XYLT1: variants seen among roughly 807,000 people sequenced by gnomAD.
XYLT1 encodes beta-D-xylosyltransferase 1.
A neutral mutation model predicts 91.3 loss-of-function variants in XYLT1; 36 were observed. The observed-to-expected ratio is 0.39, with a 90% CI of 0.30 to 0.52. The LOEUF (loss-of-function observed/expected upper bound fraction) is 0.52. XYLT1 is among the 20% of genes least tolerant of loss of function. The pLI, the probability that XYLT1 is intolerant of heterozygous loss-of-function variation, is 0.68. For missense variants in XYLT1, 1,242 were observed against 1,284.5 expected, an observed-to-expected ratio of 0.97 and a Z score of 0.51; for synonymous variants, 588 against 532.0, an observed-to-expected ratio of 1.11 and a Z score of -1.45.
In XYLT1 at chr16:17,127,725, T is replaced by C; in HGVS notation, c.2164A>G (p.Lys722Glu). The stretch of plus-strand genomic sequence containing the variant: ...GGGCTTGCGATCTTGAAGACTTTTT[T>C]CGGCATCACCCAGGTCTCCAGAGTC... ...LETLETWVMP[K>E]KVFKIASPPS... Residue 722 changes from lysine to glutamate, a missense_variant, in exon 10 of 12, where the codon AAA becomes GAA. Physicochemically the swap from Lys to Glu is moderately conservative, Grantham distance 56 (BLOSUM62 1). Coordinates refer to ENST00000261381, the MANE Select transcript of XYLT1 (RefSeq NM_022166.4). The C allele has an allele frequency of 6.2e-7, 1 of 1,614,206 alleles. No homozygotes were observed. Among genetic ancestry groups the C allele is most frequent in the Non-Finnish European group, 8.5e-7 (1 of 1,180,032 alleles).
chr16:17,175,498 G>A (rs995541176), intron 5 of XYLT1, among the ~76,000 whole-genome samples: 1 of 151,488 alleles, frequency 6.6e-6, no homozygotes, highest in East Asian at 1.9e-4. Flanking sequence ...CAGCCCACAG[G>A]TAACAGAAAC....
chr16:17,454,538 A>ATTTTTTTTTTTTTTTTTTTT, intron 1 of XYLT1, among the ~76,000 whole-genome samples: 1 of 145,350 alleles, frequency 6.9e-6, no homozygotes, highest in Non-Finnish European at 1.5e-5. Context: ...TATGATCGCA[A>ATTTTTTTTTTTTTTTTTTTT]TTTTTTTTTT....
chr16:17,217,725 A>G (rs1294799058), intron 3 of XYLT1, among the ~76,000 whole-genome samples: 1 of 152,184 alleles, frequency 6.6e-6, no homozygotes, highest in Non-Finnish European at 1.5e-5. Context: ...GTATTTTACA[A>G]AAGGTGTTGG....
chr16:17,423,892 C>CATGAGATGA (rs1320844631), intron 1 of XYLT1, among the ~76,000 whole-genome samples: 1 of 152,176 alleles, frequency 6.6e-6, no homozygotes, highest in East Asian at 1.9e-4. Context: ...ACTGTTATTT[C>CATGAGATGA]ATGAGATGAC....
intron 1 of XYLT1, among the ~76,000 whole-genome samples, chr16:17,382,712 A>G (rs2035696793): frequency 6.6e-6 from 1 of 151,890 alleles, no homozygotes; most frequent in Non-Finnish European, 1.5e-5. Context: ...ACTGAGGGCC[A>G]TGTGGACCAC....
chr16:17,162,427 A>T (rs919586077), intron 5 of XYLT1, among the ~76,000 whole-genome samples: 1 of 135,544 alleles, frequency 7.4e-6, no homozygotes, highest in South Asian at 2.4e-4. Context: ...AAAAAAAGGA[A>T]TTTCACTTCA....
chr16:17,307,118 G>A (rs955283120), intron 2 of XYLT1, among the ~76,000 whole-genome samples: 3 of 152,182 alleles, frequency 2.0e-5, no homozygotes, highest in African/African-American at 7.2e-5. Flanking sequence ...TCACTCTACT[G>A]CCCAGGCTAG....
intron 3 of XYLT1, among the ~76,000 whole-genome samples, chr16:17,202,649 CTCTT>C (rs1193564203): frequency 2.0e-5 from 3 of 152,200 alleles, no homozygotes; most frequent in Admixed American, 1.3e-4. Context: ...CTCTTTTACT[CTCTT>C]TCACCTCACC....
chr16:17,424,100 C>G lies in XYLT1; in HGVS notation c.363+46334G>C, dbSNP rs960252198. On this transcript the variant is annotated intron_variant, in intron 1 of 11. Coordinates refer to ENST00000261381, the MANE Select transcript of XYLT1 (RefSeq NM_022166.4). ...ACAAGCTCTCAATCTGTCCATCCAA[C>G]CCAGGAGACACTCGGTCATCATCCA... 2.9e-4 allele frequency among the ~76,000 whole-genome samples: 44 copies of G among 152,348 alleles called. 1 individual carries two copies. Among genetic ancestry groups the G allele is most frequent in the African/African-American group, 1.0e-3 (43 of 41,574 alleles).
intron 1 of XYLT1, among the ~76,000 whole-genome samples, chr16:17,425,001 C>T (rs2141926058): frequency 6.6e-6 from 1 of 152,276 alleles, no homozygotes; most frequent in African/African-American, 2.4e-5. Context: ...CTGTAACCTC[C>T]TGTGGCATCA....
intron 2 of XYLT1, among the ~76,000 whole-genome samples, chr16:17,322,377 A>AATC (rs1275894420): frequency 2.0e-5 from 3 of 152,164 alleles, no homozygotes; most frequent in Non-Finnish European, 4.4e-5. Flanking sequence ...TAGATAATAT[A>AATC]ATCATCATCG....
At chr16:17,135,563 C>CAAAAAA (rs112216252) in intron 8 of XYLT1, among the ~76,000 whole-genome samples, 1 of 117,102 alleles carries the variant, frequency 8.5e-6, no homozygotes. Context: ...GAGTGTAGCT[C>CAAAAAA]AAAAAAAAAA....
chr16:17,350,128 C>A (rs1278632962), intron 2 of XYLT1, among the ~76,000 whole-genome samples: 2 of 152,160 alleles, frequency 1.3e-5, no homozygotes, highest in African/African-American at 2.4e-5. Flanking sequence ...CCTGCCTCGG[C>A]CTCCCAAAGT....
At chr16:17,164,186 G>A (rs1240894450) in intron 5 of XYLT1, among the ~76,000 whole-genome samples, 1 of 151,648 alleles carries the variant, frequency 6.6e-6, no homozygotes, top group East Asian at 1.9e-4. Flanking sequence ...CCCAACTTCT[G>A]CTTCTAGTGT....
intron 11 of XYLT1, 85 bp downstream of exon 11, chr16:17,117,561 G>T (rs1233977654): frequency 1.4e-6 from 2 of 1,420,796 alleles, no homozygotes; most frequent in Admixed American, 2.1e-5. Context: ...CCCTATGTCT[G>T]AGCAGTGCTG....
intron 1 of XYLT1, among the ~76,000 whole-genome samples, chr16:17,381,627 A>G (rs2035682126): frequency 6.6e-6 from 1 of 151,962 alleles, no homozygotes; most frequent in Admixed American, 6.6e-5. Flanking sequence ...GGGTTTCACT[A>G]TGTTGGCCAG....
intron 3 of XYLT1, among the ~76,000 whole-genome samples, chr16:17,254,312 T>C (rs2033594566): frequency 6.6e-6 from 1 of 152,206 alleles, no homozygotes; most frequent in Non-Finnish European, 1.5e-5. Context: ...GATGATCCAC[T>C]TCCACTTAAT....
chr16:17,376,200 C>A (rs1055966804), intron 1 of XYLT1, among the ~76,000 whole-genome samples: 2 of 152,184 alleles, frequency 1.3e-5, no homozygotes, highest in African/African-American at 4.8e-5. Flanking sequence ...TAGAGACACG[C>A]TTATTTGTCA....
At chr16:17,160,002 G>A (rs2031508285) in intron 5 of XYLT1, among the ~76,000 whole-genome samples, 2 of 152,228 alleles carry the variant, frequency 1.3e-5, no homozygotes, top group Admixed American at 6.5e-5. Flanking sequence ...GGGAGGAACA[G>A]AGAAGAGAGC....
Sources: gnomAD v4.1 joint callset for allele counts (sites outside exome capture counted in the v4.1 genomes callset) on GRCh38, gnomAD v4.1.1 for gene constraint, MANE v1.5 for transcripts, NCBI Gene and HGNC (gene_info 2026-07-23, HGNC 2026-07-21) for gene names.